PTPN2: variants seen among roughly 807,000 people sequenced by gnomAD.
PTPN2 encodes tyrosine-protein phosphatase non-receptor type 2.
A neutral mutation model predicts 57.3 loss-of-function variants in PTPN2; 19 were observed. That is an observed-to-expected ratio of 0.33 (90% CI 0.23 to 0.49). PTPN2 has a LOEUF of 0.49. PTPN2 is among the 20% of genes least tolerant of loss of function. The probability of loss-of-function intolerance (pLI) is 0.99; values close to 1 mark genes in which losing one functional copy is unlikely to be tolerated. For synonymous variants in PTPN2, 153 were observed against 164.9 expected (o/e 0.93, Z 0.55); for missense variants, 358 against 501.1 (o/e 0.71, Z 2.73).
chr18:12,792,993 A>G lies in PTPN2; in HGVS notation c.*1285T>C. The G allele has an allele frequency of 4.1e-6, 4 of 984,974 alleles. No individual in the cohort carries two copies. The highest frequency in any genetic ancestry group is 4.8e-6 in the Non-Finnish European group (4 of 829,494). The allele number at this position is 984,974 out of a possible 1,614,324, so 61.0% of individuals were successfully genotyped here. A position where few individuals can be genotyped will look rare whatever the true frequency, so the allele number is the denominator to read the frequency against. ...ACAAGGCAGAGATGCTGTGGTTGAA[A>G]GTAACCTCTTGACCCACCTGGACAT... is the stretch of plus-strand genomic sequence containing the variant. On this transcript the variant is annotated 3_prime_UTR_variant, in exon 9 of 9. Transcript: ENST00000309660.
At chr18:12,875,661 A>G (rs1003809652) in intron 1 of PTPN2, among the ~76,000 whole-genome samples, 2 of 152,236 alleles carry the variant, frequency 1.3e-5, no homozygotes, top group African/African-American at 4.8e-5. Context: ...AACAAATCAT[A>G]CGTAACGTTT....
At chr18:12,851,197 AGGCCGGGCGCGGTGGCTCACGCCTGT>A (rs2043383350) in intron 2 of PTPN2, among the ~76,000 whole-genome samples, 7 of 72,496 alleles carry the variant, frequency 9.7e-5, no homozygotes, top group Admixed American at 3.2e-4. Context: ...AATATTATAT[AGGCCGGGCGCGGTGGCTCACGCCTGT>A]AATCCCAGCA....
chr18:12,830,803 C>A lies in PTPN2; in HGVS notation c.360+140G>T, dbSNP rs548819399. The A allele has an allele frequency of 3.7e-5, 20 of 539,020 alleles. No homozygotes were observed. The South Asian group carries it at 5.2e-4, about 14-fold the overall frequency. 33.4% of individuals were successfully genotyped at this position (539,020 alleles called of 1,614,324 possible). A position where few individuals can be genotyped will look rare whatever the true frequency, so the allele number is the denominator to read the frequency against. The stretch of plus-strand genomic sequence containing the variant: ...AAGGAAAAGGATACATGAGTTTTTC[C>A]GGACAGAAACACTTTGACCGCTAGC... On this transcript the variant is annotated intron_variant, in intron 4 of 8. Coordinates refer to ENST00000309660, the MANE Select transcript of PTPN2 (RefSeq NM_002828.4).
chr18:12,791,368 G>A (rs1386050858), downstream of PTPN2, among the ~76,000 whole-genome samples: 1 of 152,078 alleles, frequency 6.6e-6, no homozygotes, highest in Admixed American at 6.5e-5. Flanking sequence ...TCAAGTCAAA[G>A]TATATATCTG....
At chr18:12,870,448 TATATATATATATATAG>T (rs1398220473) in intron 1 of PTPN2, among the ~76,000 whole-genome samples, 3 of 24,534 alleles carry the variant, frequency 1.2e-4, no homozygotes, top group Non-Finnish European at 1.9e-4. Context: ...TGTGTATATA[TATATATATATATATAG>T]AGAGAGAGAG....
intron 8 of PTPN2, 96 bp from the exon 9 acceptor site, chr18:12,794,581 A>T: frequency 7.0e-7 from 1 of 1,421,754 alleles, no homozygotes; most frequent in Non-Finnish European, 9.4e-7. Flanking sequence ...AACCATCCAC[A>T]TAGTTTTCAC....
Position 12,841,675 on chromosome 18 carries a change from A to G in PTPN2, c.161-4784T>C, listed in dbSNP as rs556247825. 2.6e-5 allele frequency among the ~76,000 whole-genome samples: 4 copies of G among 152,332 alleles called. No homozygotes were observed. In the South Asian group the frequency reaches 8.3e-4, roughly 32 times the overall value. ...CAACCCATCATGATTTCAAGATCCT[A>G]AACTTGACAGGACAATGTCACTAAT... On this transcript the variant is annotated intron_variant, in intron 2 of 8. Transcript: ENST00000309660.
chr18:12,838,401 C>T (rs1372130189), intron 2 of PTPN2, among the ~76,000 whole-genome samples: 2 of 152,204 alleles, frequency 1.3e-5, no homozygotes, highest in Non-Finnish European at 2.9e-5. Flanking sequence ...TAGAGAAAGA[C>T]CTTCAGCCAG....
chr18:12,879,458 C>T (rs970396147), intron 1 of PTPN2, among the ~76,000 whole-genome samples: 2 of 152,166 alleles, frequency 1.3e-5, no homozygotes, highest in Non-Finnish European at 2.9e-5. Context: ...ATCAAGTTGC[C>T]CTTTCCTCGT....
intron 6 of PTPN2, among the ~76,000 whole-genome samples, chr18:12,815,202 A>G (rs888345748): frequency 6.6e-6 from 1 of 151,916 alleles, no homozygotes; most frequent in Non-Finnish European, 1.5e-5. Context: ...TTATGAGGTC[A>G]AGAGATTGAG....
At chr18:12,875,193 C>T (rs1261640213) in intron 1 of PTPN2, among the ~76,000 whole-genome samples, 1 of 152,120 alleles carries the variant, frequency 6.6e-6, no homozygotes, top group East Asian at 1.9e-4. Context: ...GGTCCTCTGC[C>T]TAGGAAAACC....
rs61245391 is a variant in PTPN2, at chr18:12,830,012, C to A, written c.360+931G>T. On this transcript the variant is annotated intron_variant, in intron 4 of 8. Coordinates refer to ENST00000309660, the MANE Select transcript of PTPN2 (RefSeq NM_002828.4). ...TGGTGGCAGTGTTATCTTATTAATA[C>A]AGTAATTATACTCCAAAATGAGAGA... Among the ~76,000 whole-genome samples, 1,084 of 152,204 alleles carry A rather than the reference C, an allele frequency of 7.1e-3. 19 individuals carry two copies. The highest frequency in any genetic ancestry group is 0.025 in the African/African-American group (1,054 of 41,518).
chr18:12,843,079 G>A (rs1387421062), intron 2 of PTPN2, among the ~76,000 whole-genome samples: 1 of 152,136 alleles, frequency 6.6e-6, no homozygotes, highest in Non-Finnish European at 1.5e-5. Context: ...TGGGTGAGGG[G>A]AGTTTGAGGG....
At position 12,798,882 on chromosome 18, in the gene PTPN2, T is replaced by G. The variant is rs952879869; in HGVS notation, c.1040+3088A>C. Among the ~76,000 whole-genome samples the G allele has an allele frequency of 3.3e-5, 5 of 152,340 alleles. No homozygotes were observed. In the East Asian group the frequency reaches 9.6e-4, roughly 29 times the overall value. Reference sequence around the variant, plus strand: ...AATTTATACTCCCACCAACAGTGTTTAAGCATTCCTTTTTCTCCACAACCT... The same window carrying G: ...AATTTATACTCCCACCAACAGTGTTGAAGCATTCCTTTTTCTCCACAACCT... On this transcript the variant is annotated intron_variant, in intron 8 of 8. Transcript: ENST00000309660.
At chr18:12,874,194 G>A (rs2044383707) in intron 1 of PTPN2, among the ~76,000 whole-genome samples, 1 of 151,512 alleles carries the variant, frequency 6.6e-6, no homozygotes, top group Admixed American at 6.6e-5. Context: ...CCCCATCTGG[G>A]AGGGAGGTTG....
intron 2 of PTPN2, among the ~76,000 whole-genome samples, chr18:12,840,399 T>C (rs1030951642): frequency 3.3e-5 from 5 of 152,250 alleles, no homozygotes; most frequent in African/African-American, 7.2e-5. Flanking sequence ...TAATGGAGAA[T>C]ACAAACTTTA....
At chr18:12,809,944 G>C (rs901532611) in intron 7 of PTPN2, among the ~76,000 whole-genome samples, 13 of 152,192 alleles carry the variant, frequency 8.5e-5, no homozygotes, top group Admixed American at 8.5e-4. Flanking sequence ...CACTTTGGGA[G>C]GCTGAGGTGG....
rs1314645846 is a variant in PTPN2, at chr18:12,857,302, A to ATC, written c.160+1860_160+1861dup. ...CTAGACTGTGGTGGTGATTCCAGGA[A>ATC]TCTACACGTGATAAAACTGCACAGA... On this transcript the variant is annotated intron_variant, in intron 2 of 8. Coordinates refer to ENST00000309660, the MANE Select transcript of PTPN2 (RefSeq NM_002828.4). Among the ~76,000 whole-genome samples the ATC allele has an allele frequency of 7.9e-5, 12 of 152,224 alleles. No homozygotes were observed. The East Asian group carries it at 2.3e-3, about 29-fold the overall frequency.
In PTPN2 at chr18:12,870,458, TATATAG is replaced by T. The variant is rs1258282660; in HGVS notation, c.70-11210_70-11205del. On this transcript the variant is annotated intron_variant, in intron 1 of 8. Coordinates refer to ENST00000309660, the MANE Select transcript of PTPN2 (RefSeq NM_002828.4). ...ATATATGTGTATATATATATATATA[TATATAG>T]AGAGAGAGAGAGAGAGAGAGAGAGA... Among the ~76,000 whole-genome samples, 73 of 30,284 alleles carry T rather than the reference TATATAG, an allele frequency of 2.4e-3. 6 individuals are homozygous for T. Among genetic ancestry groups the T allele is most frequent in the African/African-American group, 0.013 (64 of 4,852 alleles). 19.9% of individuals were successfully genotyped at this position (30,284 alleles called of 152,430 possible).
Sources: gnomAD v4.1 joint callset for allele counts (sites outside exome capture counted in the v4.1 genomes callset) on GRCh38, gnomAD v4.1.1 for gene constraint, MANE v1.5 for transcripts, NCBI Gene and HGNC (gene_info 2026-07-23, HGNC 2026-07-21) for gene names.